The following DIAPH3 variants were observed in gnomAD, a reference collection of about 807,000 sequenced individuals.
DIAPH3 encodes the protein diaphanous related formin 3.
A neutral mutation model predicts 144.3 loss-of-function variants in DIAPH3; 117 were observed. That is an observed-to-expected ratio of 0.81 (90% CI 0.70 to 0.95). DIAPH3 has a LOEUF of 0.95. Among genes scored for constraint, DIAPH3 ranks in the 40% least tolerant of loss-of-function variants. The pLI is 0.00. For synonymous variants in DIAPH3, 519 were observed against 488.9 expected (o/e 1.06, Z -0.81); for missense variants, 1,421 against 1,412.7 (o/e 1.01, Z -0.09).
intron 21 of DIAPH3, among the ~76,000 whole-genome samples, chr13:59,872,952 T>A (rs1197029820): frequency 6.6e-6 from 1 of 152,228 alleles, no homozygotes. Flanking sequence ...AGAAGAATCA[T>A]TCTCATTTAC....
chr13:60,027,879 G>A (rs1482045583), intron 5 of DIAPH3, among the ~76,000 whole-genome samples: 1 of 152,036 alleles, frequency 6.6e-6, no homozygotes, highest in Non-Finnish European at 1.5e-5. Flanking sequence ...TGGAAAAGAC[G>A]TTATGGTCAC....
intron 27 of DIAPH3, among the ~76,000 whole-genome samples, chr13:59,729,034 T>G (rs2035743789): frequency 6.6e-6 from 1 of 151,950 alleles, no homozygotes; most frequent in African/African-American, 2.4e-5. Flanking sequence ...AATGAGATGC[T>G]CAGAAGGCAC....
At chr13:60,145,511 G>A (rs546467133) in intron 1 of DIAPH3, among the ~76,000 whole-genome samples, 28 of 152,246 alleles carry the variant, frequency 1.8e-4, no homozygotes, top group Non-Finnish European at 3.5e-4. Context: ...TTAGCTGGGC[G>A]TGGTGGCGGG....
Position 60,010,775 on chromosome 13 carries a change from C to G in DIAPH3, c.772-106G>C, listed in dbSNP as rs181586088. 4.2e-4 allele frequency: 460 copies of G among 1,090,124 alleles called. 2 individuals are homozygous for G. In the African/African-American group the frequency reaches 6.2e-3, roughly 15 times the overall value. The allele number at this position is 1,090,124 out of a possible 1,614,324, so 67.5% of individuals were successfully genotyped here. A position where few individuals can be genotyped will look rare whatever the true frequency, so the allele number is the denominator to read the frequency against. On this transcript the variant is annotated intron_variant, in intron 7 of 27. Coordinates refer to ENST00000400324, the MANE Select transcript of DIAPH3 (RefSeq NM_001042517.2). ...AAAAAATTTATAGGACATTTTTACA[C>G]TTACTAAAGCTAAAAAATATAGACT...
chr13:60,042,728 C>T lies in DIAPH3; in HGVS notation c.588G>A (p.Leu196=), dbSNP rs933451632. ...TGGTCAAAGACACTCGGAGAGACTC[C>T]AGGCATGTGACAAGTCTCTCATCTG... ...GSADERLVTC[L]ESLRVSLTSN... is the part of the protein sequence containing the mutation. Residue 196 remains leucine (L), a synonymous_variant, in exon 5 of 28, where the codon CTG becomes CTA. Transcript: ENST00000400324. 2 of 1,613,572 alleles carry T rather than the reference C, an allele frequency of 1.2e-6. No homozygotes were observed. The highest frequency in any genetic ancestry group is 2.7e-5 in the African/African-American group (2 of 74,902).
Position 59,913,248 on chromosome 13 carries a change from T to C in DIAPH3, c.2266-1412A>G, listed in dbSNP as rs554460171. ...TTTTTTCACTCCATTAATTTTACATTCTAACATAAAAATACTATTGTGATT... is the reference window on the plus strand; with the variant it reads ...TTTTTTCACTCCATTAATTTTACATCCTAACATAAAAATACTATTGTGATT... On this transcript the variant is annotated intron_variant, in intron 19 of 27. Transcript: ENST00000400324. Among the ~76,000 whole-genome samples the C allele has an allele frequency of 6.6e-5, 10 of 152,256 alleles. No individual in the cohort carries two copies. The South Asian group carries it at 2.1e-3, about 32-fold the overall frequency.
At chr13:60,125,159 C>T (rs916820019) in intron 2 of DIAPH3, among the ~76,000 whole-genome samples, 1 of 152,150 alleles carries the variant, frequency 6.6e-6, no homozygotes, top group Non-Finnish European at 1.5e-5. Flanking sequence ...ATAGTCCTTA[C>T]TGTTACTTAA....
intron 27 of DIAPH3, among the ~76,000 whole-genome samples, chr13:59,707,232 T>C (rs2034480027): frequency 6.6e-6 from 1 of 152,138 alleles, no homozygotes; most frequent in Non-Finnish European, 1.5e-5. Context: ...CAGCTGACAA[T>C]TTCCCTCAAG....
intron 17 of DIAPH3, among the ~76,000 whole-genome samples, chr13:59,955,093 T>C (rs969913068): frequency 2.3e-5 from 3 of 131,932 alleles, no homozygotes; most frequent in Non-Finnish European, 4.9e-5. Flanking sequence ...TATATATATA[T>C]ACATGTATAT....
In DIAPH3 at chr13:59,879,313, T is replaced by A; in HGVS notation, c.2523A>T (p.Glu841Asp). 1 of 1,613,830 alleles carries A rather than the reference T, an allele frequency of 6.2e-7. No individual in the cohort carries two copies. Among genetic ancestry groups the A allele is most frequent in the Middle Eastern group, 1.6e-4 (1 of 6,062 alleles). The change falls in exon 21 of 28, where the codon GAA (glutamate) becomes GAT (aspartate). Residue 841 changes from glutamate (E) to aspartate (D), a missense_variant. By Grantham distance (45) the Glu-to-Asp change is conservative (BLOSUM62 2). Coordinates refer to ENST00000400324, the MANE Select transcript of DIAPH3 (RefSeq NM_001042517.2). ...TGTAGTTTCCCATTAGCAATACAAG[T>A]TCCAGCAACTTGCTAAAGCTTTTGC... ...KKSKSFSKLL[E>D]LVLLMGNYMN...
intron 4 of DIAPH3, among the ~76,000 whole-genome samples, chr13:60,078,340 G>A (rs1275969359): frequency 1.3e-5 from 2 of 152,106 alleles, no homozygotes; most frequent in South Asian, 2.1e-4. Context: ...GAGAGAACAG[G>A]AGCTGGTTTG....
chr13:59,803,802 T>G (rs748489205), intron 25 of DIAPH3, among the ~76,000 whole-genome samples: 2 of 152,166 alleles, frequency 1.3e-5, no homozygotes, highest in Non-Finnish European at 2.9e-5. Flanking sequence ...TGCCTGCACA[T>G]AAGTGAAAAG....
chr13:59,819,798 C>T (rs2040963872), intron 24 of DIAPH3, among the ~76,000 whole-genome samples: 1 of 151,298 alleles, frequency 6.6e-6, no homozygotes, highest in African/African-American at 2.4e-5. Context: ...CTTATTGCTG[C>T]ATATTATAAA....
intron 4 of DIAPH3, among the ~76,000 whole-genome samples, chr13:60,057,952 C>T (rs1463764682): frequency 6.6e-6 from 1 of 151,534 alleles, no homozygotes; most frequent in East Asian, 1.9e-4. Flanking sequence ...TAAATGAAAA[C>T]CTAGGAAAAA....
chr13:59,870,774 G>C (rs948015303), intron 21 of DIAPH3, among the ~76,000 whole-genome samples: 1 of 151,404 alleles, frequency 6.6e-6, no homozygotes, highest in Non-Finnish European at 1.5e-5. Flanking sequence ...AGGTTCAAGC[G>C]ACTCTCCTGT....
chr13:60,132,305 A>G (rs775174174), intron 2 of DIAPH3, among the ~76,000 whole-genome samples: 3 of 152,118 alleles, frequency 2.0e-5, no homozygotes, highest in Non-Finnish European at 2.9e-5. Flanking sequence ...AGCCTGGTCA[A>G]TGGGGGGCCA....
At chr13:59,885,362 A>C (rs565350508) in intron 20 of DIAPH3, among the ~76,000 whole-genome samples, 12 of 151,348 alleles carry the variant, frequency 7.9e-5, no homozygotes, top group Admixed American at 5.3e-4. Context: ...TTTGATTTCA[A>C]TCACTATAGC....
At chr13:59,776,956 A>AC (rs769190815) in intron 25 of DIAPH3, among the ~76,000 whole-genome samples, 3 of 152,036 alleles carry the variant, frequency 2.0e-5, no homozygotes, top group Non-Finnish European at 4.4e-5. Flanking sequence ...AAACAAAAAA[A>AC]CCCTTTTCCT....
intron 21 of DIAPH3, among the ~76,000 whole-genome samples, chr13:59,870,203 T>C (rs2139994199): frequency 6.6e-6 from 1 of 152,194 alleles, no homozygotes; most frequent in East Asian, 1.9e-4. Flanking sequence ...TCGTACCTTT[T>C]CTTTAAAAGA....
Sources: allele counts gnomAD v4.1 joint callset (sites outside exome capture counted in the v4.1 genomes callset), GRCh38; gene constraint gnomAD v4.1.1; transcripts MANE v1.5; gene names NCBI Gene and HGNC (gene_info 2026-07-23, HGNC 2026-07-21).